METTL24: variants seen among roughly 807,000 people sequenced by gnomAD.
METTL24 encodes the protein methyltransferase like 24.
A neutral mutation model predicts 32.7 loss-of-function variants in METTL24; 29 were observed. The ratio of observed to expected loss-of-function variants is 0.89; its 90% CI spans 0.66 to 1.21. The LOEUF (loss-of-function observed/expected upper bound fraction) is 1.21, where lower values mean the gene tolerates loss of function less well. Among genes scored for constraint, METTL24 ranks in the 50% most tolerant of loss-of-function variants. METTL24 has a pLI of 0.00. For missense variants in METTL24, 439 were observed against 468.1 expected (o/e 0.94, Z 0.57); for synonymous variants, 163 against 179.5 (o/e 0.91, Z 0.73).
intron 2 of METTL24, among the ~76,000 whole-genome samples, chr6:110,319,845 G>C (rs182112820): frequency 1.3e-5 from 2 of 152,250 alleles, no homozygotes; most frequent in African/African-American, 4.8e-5. Flanking sequence ...CAATGCACAA[G>C]TCTAGGGGTG....
chr6:110,254,432 G>T (rs1439992408), intron 4 of METTL24, among the ~76,000 whole-genome samples: 1 of 152,136 alleles, frequency 6.6e-6, no homozygotes, highest in African/African-American at 2.4e-5. Context: ...AGGAGTTCGA[G>T]ACCAGCCTGG....
intron 1 of METTL24, among the ~76,000 whole-genome samples, chr6:110,350,968 C>T (rs1298377258): frequency 5.3e-5 from 8 of 151,966 alleles, no homozygotes; most frequent in African/African-American, 1.9e-4. Flanking sequence ...ATTAGCTGGG[C>T]GTGGTGGCAG....
intron 4 of METTL24, among the ~76,000 whole-genome samples, chr6:110,270,643 T>C (rs1284883416): frequency 6.6e-6 from 1 of 152,112 alleles, no homozygotes; most frequent in East Asian, 1.9e-4. Context: ...AGGCATATAA[T>C]AATATTTGAA....
At chr6:110,350,705 C>G (rs1264537848) in intron 1 of METTL24, among the ~76,000 whole-genome samples, 1 of 150,886 alleles carries the variant, frequency 6.6e-6, no homozygotes, top group Non-Finnish European at 1.5e-5. Context: ...GTGGGAGGAT[C>G]ACTTGAGCCC....
At position 110,358,247 on chromosome 6, in the gene METTL24, C is replaced by G. The variant is rs77469804; in HGVS notation, c.26G>C (p.Arg9Thr). The G allele has an allele frequency of 4.7e-3, 7,054 of 1,485,108 alleles. 305 individuals are homozygous for G. In the African/African-American group the frequency reaches 0.089, roughly 19 times the overall value. 92.0% of individuals were successfully genotyped at this position (1,485,108 alleles called of 1,614,324 possible). A position where few individuals can be genotyped will look rare whatever the true frequency, so the allele number is the denominator to read the frequency against. MARERPPG[R>T]GCGVLRRCLL... The stretch of plus-strand genomic sequence containing the variant: ...ACACCGGCGCAGGACGCCGCAGCCC[C>G]TCCCGGGCGGCCTCTCCCGGGCCAT... The change falls in exon 1 of 5, where the codon AGG becomes ACG. Residue 9 changes from arginine (R) to threonine (T), a missense_variant. By Grantham distance (71) the Arg-to-Thr change is moderately conservative. Coordinates refer to ENST00000338882, the MANE Select transcript of METTL24 (RefSeq NM_001123364.3).
chr6:110,264,399 A>G (rs967514128), intron 4 of METTL24, among the ~76,000 whole-genome samples: 1 of 152,206 alleles, frequency 6.6e-6, no homozygotes, highest in African/African-American at 2.4e-5. Context: ...CATCAGAGAA[A>G]TGCAAATCAA....
Position 110,358,277 on chromosome 6 carries a change from C to A in METTL24, c.-5G>T. 1 of 1,459,206 alleles carries A rather than the reference C, an allele frequency of 6.9e-7. No homozygotes were observed. The highest frequency in any genetic ancestry group is 9.0e-7 in the Non-Finnish European group (1 of 1,112,994). The allele number at this position is 1,459,206 out of a possible 1,614,324, so 90.4% of individuals were successfully genotyped here. A position where few individuals can be genotyped will look rare whatever the true frequency, so the allele number is the denominator to read the frequency against. ...GGGCGGCCTCTCCCGGGCCATGGCG[C>A]TACACTCGGGGTCCCGCGGGCCGCG... is the stretch of plus-strand genomic sequence containing the variant. On this transcript the variant is annotated 5_prime_UTR_variant, in exon 1 of 5. Transcript: ENST00000338882.
chr6:110,294,003 C>T (rs1427767211), intron 4 of METTL24, among the ~76,000 whole-genome samples: 3 of 151,714 alleles, frequency 2.0e-5, no homozygotes, highest in Non-Finnish European at 4.4e-5. Context: ...GACTGAGATA[C>T]ACTAAAATAA....
chr6:110,264,038 T>A (rs994397016), intron 4 of METTL24, among the ~76,000 whole-genome samples: 1 of 152,034 alleles, frequency 6.6e-6, no homozygotes, highest in South Asian at 2.1e-4. Context: ...ACCTAGGCAA[T>A]ACCATTCAGG....
chr6:110,301,111 G>A (rs76487811), intron 3 of METTL24, among the ~76,000 whole-genome samples: 3 of 152,088 alleles, frequency 2.0e-5, no homozygotes, highest in Admixed American at 6.6e-5. Context: ...CTCTTTTTCC[G>A]ACTGCATCCC....
chr6:110,262,571 C>T (rs1208614905), intron 4 of METTL24, among the ~76,000 whole-genome samples: 2 of 152,314 alleles, frequency 1.3e-5, no homozygotes, highest in South Asian at 2.1e-4. Context: ...CCTTCTGAAA[C>T]TATTCCAATC....
chr6:110,325,379 G>A (rs1254269482), intron 1 of METTL24, among the ~76,000 whole-genome samples: 2 of 152,226 alleles, frequency 1.3e-5, no homozygotes, highest in African/African-American at 4.8e-5. Flanking sequence ...GCCATAGACA[G>A]TAAGTAAACA....
At chr6:110,251,120 C>T (rs1042519494) in intron 4 of METTL24, among the ~76,000 whole-genome samples, 15 of 152,090 alleles carry the variant, frequency 9.9e-5, no homozygotes, top group South Asian at 2.1e-4. Context: ...AAGTCTAGCG[C>T]GCATTCAAGG....
At chr6:110,291,729 G>C (rs938048745) in intron 4 of METTL24, among the ~76,000 whole-genome samples, 6 of 151,964 alleles carry the variant, frequency 3.9e-5, no homozygotes, top group African/African-American at 1.5e-4. Context: ...ACTGTCTGTC[G>C]TTCCCCTCTA....
At chr6:110,282,949 A>T (rs145328655) in intron 4 of METTL24, among the ~76,000 whole-genome samples, 2 of 152,324 alleles carry the variant, frequency 1.3e-5, no homozygotes, top group East Asian at 3.9e-4. Flanking sequence ...AACATCAGGA[A>T]CAAGAAGTTT....
intron 4 of METTL24, chr6:110,254,411 C>T (rs1480434781): frequency 6.6e-6 from 1 of 152,266 alleles, no homozygotes; most frequent in African/African-American, 2.4e-5. Context: ...GCAGGTGGAT[C>T]ATTTGAGGCC....
chr6:110,246,111 G>A lies in METTL24; in HGVS notation c.936C>T (p.Ser312=), dbSNP rs139906645. 3,845 of 1,614,128 alleles carry A rather than the reference G, an allele frequency of 2.4e-3. 74 individuals are homozygous for A. In the African/African-American group the frequency reaches 0.042, roughly 18 times the overall value. Residue 312 remains serine (S), a synonymous_variant, in exon 5 of 5, where the codon AGC becomes AGT. Coordinates refer to ENST00000338882, the MANE Select transcript of METTL24 (RefSeq NM_001123364.3). ...PGFEVSGSDS[S]VVRFWYSLLK... is the part of the protein sequence containing the mutation. Reference sequence around the variant, plus strand: ...GAAGGCTGTACCAGAACCGCACAACGCTGCTGTCACTGCCACTGACCTCAA... The same window carrying A: ...GAAGGCTGTACCAGAACCGCACAACACTGCTGTCACTGCCACTGACCTCAA...
At position 110,315,404 on chromosome 6, in the gene METTL24, A is replaced by C. The variant is rs766676364; in HGVS notation, c.495T>G (p.Leu165=). ...GATGAGCTAAATTGAACCTGTCGTC[A>C]AGACACACTGACCAGGGCTTGTGTG... ...SPTHKPWSVC[L]DDRFNLAHQI... is the part of the protein sequence containing the mutation. Residue 165 remains leucine, a synonymous_variant, in exon 3 of 5, where the codon CTT becomes CTG. Transcript: ENST00000338882. 1.2e-5 allele frequency: 19 copies of C among 1,614,106 alleles called. No individual in the cohort carries two copies. The South Asian group carries it at 2.1e-4, about 18-fold the overall frequency.
intron 3 of METTL24, among the ~76,000 whole-genome samples, chr6:110,302,170 C>T (rs56279843): frequency 0.15 from 22,791 of 151,136 alleles, 2,019 homozygotes; most frequent in African/African-American, 0.24. Flanking sequence ...CCTAGCTACT[C>T]GGGAAGCTGA....
Sources: allele counts gnomAD v4.1 joint callset (sites outside exome capture counted in the v4.1 genomes callset), GRCh38; gene constraint gnomAD v4.1.1; transcripts MANE v1.5; gene names NCBI Gene and HGNC (gene_info 2026-07-23, HGNC 2026-07-21).